Variants in TLK1 observed in about 807,000 individuals in gnomAD.
The protein encoded by TLK1 is serine/threonine-protein kinase tousled-like 1.
Under a neutral mutation model 105.3 loss-of-function variants are expected in TLK1, and 24 were observed. The observed-to-expected ratio is 0.23, with a 90% CI of 0.17 to 0.32. The LOEUF (loss-of-function observed/expected upper bound fraction) is 0.32, where lower values mean the gene tolerates loss of function less well. Among genes scored for constraint, TLK1 ranks in the 10% least tolerant of loss-of-function variants. TLK1 has a pLI of 1.00. For synonymous variants in TLK1, 321 were observed against 310.4 expected, an observed-to-expected ratio of 1.03 and a Z score of -0.36; for missense variants, 558 against 910.5, an observed-to-expected ratio of 0.61 and a Z score of 4.98.
At chr2:171,082,177 T>G (rs778016858) in intron 3 of TLK1, among the ~76,000 whole-genome samples, 4 of 151,830 alleles carry the variant, frequency 2.6e-5, no homozygotes, top group Non-Finnish European at 5.9e-5. Flanking sequence ...TTTTAAAAGA[T>G]GTCATCAAGT....
chr2:171,080,544 AAATAAT>A (rs71008747), intron 3 of TLK1, among the ~76,000 whole-genome samples: 24 of 145,026 alleles, frequency 1.7e-4, no homozygotes, highest in African/African-American at 2.3e-4. Flanking sequence ...AGATACACTA[AAATAAT>A]AATAATAATA....
At chr2:171,120,776 G>C (rs1187731977) in intron 1 of TLK1, among the ~76,000 whole-genome samples, 3 of 152,206 alleles carry the variant, frequency 2.0e-5, no homozygotes, top group Non-Finnish European at 4.4e-5. Context: ...ATATGATCCA[G>C]CAATTTCACT....
intron 1 of TLK1, among the ~76,000 whole-genome samples, chr2:171,141,611 G>T (rs781590421): frequency 1.1e-4 from 16 of 152,108 alleles, no homozygotes; most frequent in Non-Finnish European, 2.1e-4. Context: ...CAGTAAGACT[G>T]ATAGTTGACT....
chr2:171,114,506 G>A (rs1391605699), intron 2 of TLK1, among the ~76,000 whole-genome samples: 1 of 152,122 alleles, frequency 6.6e-6, no homozygotes, highest in South Asian at 2.1e-4. Context: ...GAAACTGGAG[G>A]AATAGCCAAG....
At chr2:171,045,916 G>T in intron 11 of TLK1, 1 of 353,226 alleles carries the variant, frequency 2.8e-6, no homozygotes, top group Admixed American at 4.4e-5. Flanking sequence ...AACTGATTCA[G>T]ACACAGAAGG....
At chr2:171,032,709 A>T (rs1686102160) in intron 11 of TLK1, among the ~76,000 whole-genome samples, 1 of 152,182 alleles carries the variant, frequency 6.6e-6, no homozygotes, top group African/African-American at 2.4e-5. Flanking sequence ...TTCAGAAATA[A>T]ACCCAAAAAT....
intron 1 of TLK1, among the ~76,000 whole-genome samples, chr2:171,210,897 T>C (rs1693601371): frequency 6.6e-6 from 1 of 152,194 alleles, no homozygotes; most frequent in African/African-American, 2.4e-5. Context: ...GGAAGCTGCA[T>C]TTGAAGCTGA....
intron 1 of TLK1, among the ~76,000 whole-genome samples, chr2:171,123,220 G>A (rs975003202): frequency 7.9e-5 from 12 of 151,900 alleles, no homozygotes; most frequent in African/African-American, 2.2e-4. Flanking sequence ...GTTTTGAGAC[G>A]GAGTCTTGCT....
chr2:171,227,478 C>G (rs1018929907), intron 1 of TLK1, among the ~76,000 whole-genome samples: 1 of 148,274 alleles, frequency 6.7e-6, no homozygotes, highest in Non-Finnish European at 1.5e-5. Flanking sequence ...CTGGTTTTGA[C>G]TTATGTGTAC....
At chr2:171,002,505 A>G (rs1233614449) in intron 18 of TLK1, among the ~76,000 whole-genome samples, 1 of 151,900 alleles carries the variant, frequency 6.6e-6, no homozygotes, top group African/African-American at 2.4e-5. Context: ...CAATCTCCTG[A>G]CCTCGTGATC....
At chr2:171,113,304 C>G (rs1690264081) in intron 2 of TLK1, among the ~76,000 whole-genome samples, 1 of 150,262 alleles carries the variant, frequency 6.7e-6, no homozygotes, top group Non-Finnish European at 1.5e-5. Context: ...GTGTCTCACT[C>G]TTGTCACCCA....
intron 1 of TLK1, among the ~76,000 whole-genome samples, chr2:171,208,372 A>C (rs1348692544): frequency 2.7e-5 from 4 of 146,966 alleles, no homozygotes; most frequent in Admixed American, 1.3e-4. Context: ...AAGGATTTTA[A>C]TTAATTATGT....
At chr2:171,148,481 CA>C (rs1009925566) in intron 1 of TLK1, among the ~76,000 whole-genome samples, 1 of 151,598 alleles carries the variant, frequency 6.6e-6, no homozygotes, top group Non-Finnish European at 1.5e-5. Context: ...AAAGGCGAGA[CA>C]AAAAACAAGC....
At chr2:170,999,162 C>T (rs958266294) in intron 18 of TLK1, among the ~76,000 whole-genome samples, 1 of 152,210 alleles carries the variant, frequency 6.6e-6, no homozygotes, top group African/African-American at 2.4e-5. Flanking sequence ...TCTCACACCT[C>T]AAAAATTTAG....
intron 12 of TLK1, among the ~76,000 whole-genome samples, chr2:171,020,918 CT>C (rs963664919): frequency 4.6e-5 from 7 of 152,266 alleles, no homozygotes; most frequent in African/African-American, 1.2e-4. Context: ...CCCTCCACCC[CT>C]ATCCCCAATT....
chr2:171,161,309 G>GCTCTCGCTCAGCTGCCGCTT (rs1692492893), upstream of TLK1, among the ~76,000 whole-genome samples: 1 of 152,016 alleles, frequency 6.6e-6, no homozygotes, highest in Non-Finnish European at 1.5e-5. Context: ...AAATGCTGCT[G>GCTCTCGCTCAGCTGCCGCTT]CTCTCGCTCA....
At chr2:170,994,858 G>C in intron 20 of TLK1, 1 of 359,256 alleles carries the variant, frequency 2.8e-6, no homozygotes. Flanking sequence ...TTTTTTGGGG[G>C]GGGAGGGAAC....
intron 11 of TLK1, among the ~76,000 whole-genome samples, chr2:171,037,738 T>C (rs1686440743): frequency 6.6e-6 from 1 of 152,214 alleles, no homozygotes. Flanking sequence ...AGCATTTTTA[T>C]ATATTATATG....
intron 2 of TLK1, among the ~76,000 whole-genome samples, chr2:171,092,514 A>T (rs1363117179): frequency 6.6e-6 from 1 of 152,198 alleles, no homozygotes; most frequent in African/African-American, 2.4e-5. Context: ...CATCTCCCCA[A>T]ATATCTCTTT....
Sources: allele counts gnomAD v4.1 joint callset (sites outside exome capture counted in the v4.1 genomes callset), GRCh38; gene constraint gnomAD v4.1.1; transcripts MANE v1.5; gene names NCBI Gene and HGNC (gene_info 2026-07-23, HGNC 2026-07-21).